The following CSMD2 variants were observed in gnomAD, a reference collection of about 807,000 sequenced individuals.
The protein encoded by CSMD2 is CUB and Sushi multiple domains 2.
CSMD2 carries 130 observed loss-of-function variants against 398.5 expected under a neutral mutation model. The observed-to-expected ratio is 0.33, with a 90% CI of 0.28 to 0.38. The LOEUF (loss-of-function observed/expected upper bound fraction) is 0.38, where lower values mean the gene tolerates loss of function less well. Ranked by LOEUF, CSMD2 falls within the 10% of genes least tolerant of loss-of-function variation. CSMD2 has a pLI of 1.00. For missense variants in CSMD2, 3,829 were observed against 4,764.9 expected (o/e 0.80, Z 5.78); for synonymous variants, 1,828 against 1,908.5 (o/e 0.96, Z 1.10).
chr1:33,926,927 G>A (rs1644145214), intron 4 of CSMD2, among the ~76,000 whole-genome samples: 1 of 152,166 alleles, frequency 6.6e-6, no homozygotes, highest in African/African-American at 2.4e-5. Context: ...GGAGAAAACA[G>A]GACATTATCC....
chr1:33,952,697 CACACAT>C (rs1219801886), intron 3 of CSMD2, among the ~76,000 whole-genome samples: 1 of 137,558 alleles, frequency 7.3e-6, no homozygotes, highest in African/African-American at 3.6e-5. Flanking sequence ...CACACACACA[CACACAT>C]GCACACACAC....
At chr1:33,558,335 C>T (rs1658233553) in intron 54 of CSMD2, among the ~76,000 whole-genome samples, 1 of 152,204 alleles carries the variant, frequency 6.6e-6, no homozygotes, top group Non-Finnish European at 1.5e-5. Context: ...CTGACTTGAA[C>T]AGGGTTGGGC....
At chr1:33,571,825 T>C (rs1659624888) in intron 50 of CSMD2, 99 bp from the exon 51 acceptor site, 2 of 882,544 alleles carry the variant, frequency 2.3e-6, no homozygotes, top group Admixed American at 3.7e-5. Context: ...CTTAATGCAA[T>C]AATGAAGAAT....
At chr1:33,943,731 G>A (rs1341732952) in intron 3 of CSMD2, among the ~76,000 whole-genome samples, 1 of 152,002 alleles carries the variant, frequency 6.6e-6, no homozygotes, top group African/African-American at 2.4e-5. Context: ...CCTGCTTGTT[G>A]TAATTGTTTC....
chr1:34,013,702 A>G (rs928057621), intron 3 of CSMD2, among the ~76,000 whole-genome samples: 11 of 152,178 alleles, frequency 7.2e-5, no homozygotes, highest in African/African-American at 1.4e-4. Flanking sequence ...GGGGAAAAAA[A>G]GGGGCAAAGG....
chr1:33,949,787 G>C (rs1047240252), intron 3 of CSMD2, among the ~76,000 whole-genome samples: 1 of 152,186 alleles, frequency 6.6e-6, no homozygotes, highest in Non-Finnish European at 1.5e-5. Context: ...CCAGGCTCTT[G>C]TTCCCAGGGT....
rs532209215 is a variant in CSMD2 at position 33,762,471 on chromosome 1, G to A, written c.1846+10098C>T. 7.2e-5 allele frequency among the ~76,000 whole-genome samples: 11 copies of A among 152,316 alleles called. No homozygotes were observed. In the South Asian group the frequency reaches 2.1e-3, roughly 29 times the overall value. The stretch of plus-strand genomic sequence containing the variant: ...GCCCAGGATTAGACTCCTAAAGCTT[G>A]ACCAGTTTTCCCAGTTCCTCTTCCA... On this transcript the variant is annotated intron_variant, in intron 13 of 70. Coordinates refer to ENST00000373381, the MANE Select transcript of CSMD2 (RefSeq NM_001281956.2).
intron 5 of CSMD2, among the ~76,000 whole-genome samples, chr1:33,876,379 C>T (rs1640842228): frequency 6.6e-6 from 1 of 152,200 alleles, no homozygotes; most frequent in Non-Finnish European, 1.5e-5. Flanking sequence ...ATTTGTCGAA[C>T]ATGAGAAATT....
At chr1:33,981,723 C>A (rs775063951) in intron 3 of CSMD2, among the ~76,000 whole-genome samples, 2 of 152,194 alleles carry the variant, frequency 1.3e-5, no homozygotes, top group African/African-American at 2.4e-5. Flanking sequence ...AATCATAGAG[C>A]CAGACTGGCC....
intron 11 of CSMD2, among the ~76,000 whole-genome samples, chr1:33,790,627 T>C (rs1557898293): frequency 1.3e-5 from 2 of 152,070 alleles, no homozygotes; most frequent in African/African-American, 4.8e-5. Context: ...GACAATTCTT[T>C]ACAACAAATT....
intron 5 of CSMD2, among the ~76,000 whole-genome samples, chr1:33,895,127 C>A (rs561962911): frequency 6.2e-4 from 95 of 152,288 alleles, no homozygotes; most frequent in African/African-American, 2.2e-3. Context: ...ATGTTAGATT[C>A]TCTGCTTAAT....
chr1:34,060,461 C>T (rs566758899), intron 2 of CSMD2, among the ~76,000 whole-genome samples: 80 of 152,132 alleles, frequency 5.3e-4, no homozygotes, highest in African/African-American at 1.8e-3. Flanking sequence ...GACCGGGAGG[C>T]GGAGGATGCA....
At chr1:34,099,407 CA>C (rs144593344) in intron 1 of CSMD2, among the ~76,000 whole-genome samples, 1,791 of 152,328 alleles carry the variant, frequency 0.012, 30 homozygotes, top group African/African-American at 0.039. Context: ...ACAGGGGCCA[CA>C]TCTTAAGGGC....
At chr1:33,787,191 T>C (rs892651164) in intron 12 of CSMD2, among the ~76,000 whole-genome samples, 72 of 152,128 alleles carry the variant, frequency 4.7e-4, no homozygotes, top group African/African-American at 1.4e-3. Context: ...ATTCTACCCA[T>C]AGTGGGGGCA....
chr1:33,961,656 C>G (rs1645363868), intron 3 of CSMD2, among the ~76,000 whole-genome samples: 1 of 152,142 alleles, frequency 6.6e-6, no homozygotes, highest in South Asian at 2.1e-4. Context: ...CTCATGAAGG[C>G]TTTGGTGCTG....
chr1:33,565,110 A>T (rs1386131147), intron 53 of CSMD2, among the ~76,000 whole-genome samples: 5 of 152,360 alleles, frequency 3.3e-5, no homozygotes, highest in African/African-American at 1.2e-4. Context: ...GTTCTGTTGC[A>T]AGCTTTTGTG....
chr1:33,675,070 C>T (rs1485836053), intron 25 of CSMD2, among the ~76,000 whole-genome samples: 1 of 152,116 alleles, frequency 6.6e-6, no homozygotes, highest in Non-Finnish European at 1.5e-5. Flanking sequence ...AGAGCAAACA[C>T]ATTCAAAAGC....
rs185662179 is a variant in CSMD2, at chr1:33,709,409, C to T, written c.3407-151G>A. On this transcript the variant is annotated intron_variant, in intron 21 of 70. Transcript: ENST00000373381. ...CGTGTCTGTCCAGTTGTTGGACTGT[C>T]TACAGAAATGCCTCTCAAACTTAAA... 3.8e-5 allele frequency: 23 copies of T among 604,364 alleles called. 1 individual carries two copies. The Middle Eastern group carries it at 1.3e-3, about 35-fold the overall frequency. The allele number at this position is 604,364 out of a possible 1,614,324, so 37.4% of individuals were successfully genotyped here. A position where few individuals can be genotyped will look rare whatever the true frequency, so the allele number is the denominator to read the frequency against.
chr1:33,583,517 G>T, intron 47 of CSMD2, 125 bp downstream of exon 47: 2 of 942,046 alleles, frequency 2.1e-6, no homozygotes, highest in Non-Finnish European at 3.3e-6. Context: ...TGCTGTGGTA[G>T]GGAAGGACAT....
Sources: gnomAD v4.1 joint callset for allele counts (sites outside exome capture counted in the v4.1 genomes callset) on GRCh38, gnomAD v4.1.1 for gene constraint, MANE v1.5 for transcripts, NCBI Gene and HGNC (gene_info 2026-07-23, HGNC 2026-07-21) for gene names.